Variants in SORCS1 observed in about 807,000 individuals in gnomAD.
The protein encoded by SORCS1 is VPS10 domain-containing receptor SorCS1.
In SORCS1, 60 loss-of-function variants were observed where a neutral mutation model predicts 146.1. That is an observed-to-expected ratio of 0.41 (90% CI 0.33 to 0.51). The LOEUF is 0.51. SORCS1 is among the 20% of genes least tolerant of loss of function. The probability of loss-of-function intolerance (pLI) is 0.21; values close to 1 mark genes in which losing one functional copy is unlikely to be tolerated. For missense variants in SORCS1, 1,352 were observed against 1,487.6 expected (o/e 0.91, Z 1.50); for synonymous variants, 637 against 584.0 (o/e 1.09, Z -1.31).
At chr10:106,969,721 G>A (rs371197329) in intron 1 of SORCS1, among the ~76,000 whole-genome samples, 3 of 152,112 alleles carry the variant, frequency 2.0e-5, no homozygotes, top group Non-Finnish European at 4.4e-5. Context: ...GTGGTTTAGC[G>A]GAAATGAGTA....
the SORCS1 span, among the ~76,000 whole-genome samples, chr10:107,172,503 G>A: frequency 2.1e-3 from 314 of 152,252 alleles, 2 homozygotes; most frequent in Middle Eastern, 3.4e-3. Flanking sequence ...GGCACTCTAT[G>A]CCTATTCTGA....
chr10:106,955,066 T>C (rs893601804), intron 2 of SORCS1, among the ~76,000 whole-genome samples: 4 of 152,178 alleles, frequency 2.6e-5, no homozygotes, highest in African/African-American at 9.7e-5. Flanking sequence ...AGCAGAGCAG[T>C]GGGACTGAAC....
chr10:106,879,613 T>C (rs1950736589), intron 2 of SORCS1, among the ~76,000 whole-genome samples: 1 of 152,238 alleles, frequency 6.6e-6, no homozygotes, highest in Admixed American at 6.5e-5. Flanking sequence ...CGACCTGATA[T>C]AATCTCATGT....
intron 1 of SORCS1, among the ~76,000 whole-genome samples, chr10:107,142,948 G>A (rs1967965907): frequency 6.6e-6 from 1 of 152,184 alleles, no homozygotes; most frequent in Non-Finnish European, 1.5e-5. Context: ...TTCTAAAATT[G>A]CTAAGGTCAC....
intron 6 of SORCS1, among the ~76,000 whole-genome samples, chr10:106,722,665 C>T (rs1589738623): frequency 6.6e-6 from 1 of 152,128 alleles, no homozygotes; most frequent in Non-Finnish European, 1.5e-5. Flanking sequence ...TGTCCCCTGT[C>T]CCCTGTTCCT....
intron 24 of SORCS1, among the ~76,000 whole-genome samples, chr10:106,592,938 G>C (rs528367336): frequency 5.3e-5 from 8 of 152,054 alleles, no homozygotes; most frequent in African/African-American, 1.9e-4. Context: ...AGGAGTTTGA[G>C]ACCAGCCTGG....
At chr10:106,652,660 C>CTT in intron 17 of SORCS1, 107 bp from the exon 18 acceptor site, 3 of 1,230,552 alleles carry the variant, frequency 2.4e-6, no homozygotes, top group Non-Finnish European at 3.4e-6. Flanking sequence ...TCAGTAAGCA[C>CTT]CTAACCATCT....
intron 1 of SORCS1, among the ~76,000 whole-genome samples, chr10:106,968,875 T>C (rs1955634889): frequency 6.6e-6 from 1 of 152,206 alleles, no homozygotes; most frequent in African/African-American, 2.4e-5. Context: ...GGGAAAGTCT[T>C]AATGTAGGCA....
At chr10:107,054,730 G>C (rs148482062) in intron 1 of SORCS1, among the ~76,000 whole-genome samples, 1 of 152,278 alleles carries the variant, frequency 6.6e-6, no homozygotes, top group South Asian at 2.1e-4. Flanking sequence ...AAACCACAGG[G>C]CATGAGCTAT....
intron 25 of SORCS1, chr10:106,578,800 C>T: frequency 1.6e-6 from 2 of 1,245,366 alleles, no homozygotes; most frequent in South Asian, 3.8e-5. Flanking sequence ...AAATGCTTTG[C>T]TCTTTGCCCA....
intron 2 of SORCS1, among the ~76,000 whole-genome samples, chr10:106,859,683 A>G (rs1441243899): frequency 6.6e-6 from 1 of 152,052 alleles, no homozygotes; most frequent in Non-Finnish European, 1.5e-5. Context: ...ATGAGTCACT[A>G]CCGGCCAATA....
At chr10:106,751,649 A>C (rs1014696381) in intron 5 of SORCS1, among the ~76,000 whole-genome samples, 4 of 152,142 alleles carry the variant, frequency 2.6e-5, no homozygotes, top group African/African-American at 9.7e-5. Context: ...TCATTCCTTC[A>C]ATATATATAC....
chr10:107,048,350 G>A (rs192594252), intron 1 of SORCS1, among the ~76,000 whole-genome samples: 9 of 152,250 alleles, frequency 5.9e-5, no homozygotes, highest in Middle Eastern at 3.4e-3. Context: ...ACCTTAGCAT[G>A]TCATCTCACT....
chr10:106,801,214 T>C (rs1023082872), intron 3 of SORCS1, among the ~76,000 whole-genome samples: 7 of 152,158 alleles, frequency 4.6e-5, no homozygotes, highest in African/African-American at 1.7e-4. Flanking sequence ...AAATATGTGC[T>C]ATTCATAATT....
chr10:106,645,438 C>T (rs1258424548), intron 18 of SORCS1, among the ~76,000 whole-genome samples: 2 of 152,124 alleles, frequency 1.3e-5, no homozygotes, highest in Non-Finnish European at 2.9e-5. Flanking sequence ...AGTGATCTGC[C>T]CACCTTGGCC....
At chr10:106,606,329 G>T (rs1317093231) in intron 23 of SORCS1, among the ~76,000 whole-genome samples, 2 of 144,310 alleles carry the variant, frequency 1.4e-5, no homozygotes, top group Non-Finnish European at 3.0e-5. Context: ...ACACTCAAAT[G>T]CTCCAGAAGG....
intron 5 of SORCS1, among the ~76,000 whole-genome samples, chr10:106,742,408 C>A (rs549800955): frequency 6.6e-6 from 1 of 151,992 alleles, no homozygotes; most frequent in Non-Finnish European, 1.5e-5. Flanking sequence ...GAGATGGAGT[C>A]TAGCTCTGTT....
At chr10:106,816,064 C>G (rs1288132627) in intron 3 of SORCS1, among the ~76,000 whole-genome samples, 1 of 152,080 alleles carries the variant, frequency 6.6e-6, no homozygotes, top group Non-Finnish European at 1.5e-5. Flanking sequence ...GCCATTTCTA[C>G]CAAAATAATT....
In SORCS1 at chr10:106,776,534, C is replaced by G. The variant is rs758629358; in HGVS notation, c.885G>C (p.Lys295Asn). Residue 295 changes from lysine (K) to asparagine (N), a missense_variant and splice_region_variant, in exon 4 of 26, where the codon AAG becomes AAC. Lys to Asn is a moderately conservative substitution (Grantham distance 94). Transcript: ENST00000263054. ...TCTCAAACAAGGTAAGTATGCTCACCTTTTGGTCTTGACTGTATGCCAGAA... is the reference window on the plus strand; with the variant it reads ...TCTCAAACAAGGTAAGTATGCTCACGTTTTGGTCTTGACTGTATGCCAGAA... ...DWILAYSQDQ[K>N]LYSSAEFGRR... 4.3e-6 allele frequency: 7 copies of G among 1,613,720 alleles called. No homozygotes were observed. The African/African-American group carries it at 8.0e-5, about 18-fold the overall frequency.
Sources: allele counts gnomAD v4.1 joint callset (sites outside exome capture counted in the v4.1 genomes callset), GRCh38; gene constraint gnomAD v4.1.1; transcripts MANE v1.5; gene names NCBI Gene and HGNC (gene_info 2026-07-23, HGNC 2026-07-21).